PARP8: variants seen among roughly 807,000 people sequenced by gnomAD.
The protein encoded by PARP8 is protein mono-ADP-ribosyltransferase PARP8.
Under a neutral mutation model 124.1 loss-of-function variants are expected in PARP8, and 51 were observed. The observed-to-expected ratio is 0.41, with a 90% CI of 0.33 to 0.52. PARP8 has a LOEUF of 0.52. Ranked by LOEUF, PARP8 falls within the 20% of genes least tolerant of loss-of-function variation. The pLI is 0.21. For synonymous variants in PARP8, 391 were observed against 361.5 expected, an observed-to-expected ratio of 1.08 and a Z score of -0.93; for missense variants, 860 against 1,018.9, an observed-to-expected ratio of 0.84 and a Z score of 2.12.
chr5:50,741,477 C>G (rs1181406905), intron 2 of PARP8, among the ~76,000 whole-genome samples: 1 of 152,136 alleles, frequency 6.6e-6, no homozygotes, highest in African/African-American at 2.4e-5. Context: ...TAATCAATGT[C>G]AGACTTAGTT....
chr5:50,795,231 T>C lies in PARP8; in HGVS notation c.1242T>C (p.Asn414=). Residue 414 remains asparagine (N), a synonymous_variant, in exon 12 of 26, where the codon AAT becomes AAC. Transcript: ENST00000281631. ...HKLLSRSYSS[N]LRMEELYGLK... is the part of the protein sequence containing the mutation. Reference sequence around the variant, plus strand: ...TGTTAAGCAGGTCTTACTCTAGTAATCTCAGAATGGAAGAATTATATGGAC... The same window carrying C: ...TGTTAAGCAGGTCTTACTCTAGTAACCTCAGAATGGAAGAATTATATGGAC... The C allele has an allele frequency of 1.9e-6, 3 of 1,614,140 alleles. No homozygotes were observed. Among genetic ancestry groups the C allele is most frequent in the South Asian group, 1.1e-5 (1 of 91,080 alleles).
At position 50,666,967 on chromosome 5, in the gene PARP8, A is replaced by G; in HGVS notation, c.-129A>G. ...CTCACCCAGGATCACTTCCGAAACC[A>G]CTTCGCCTTCAGCCCCTGCCTCGGC... is the stretch of plus-strand genomic sequence containing the variant. On this transcript the variant is annotated 5_prime_UTR_variant, in exon 1 of 26. Coordinates refer to ENST00000281631, the MANE Select transcript of PARP8 (RefSeq NM_024615.4). The G allele has an allele frequency of 6.6e-7, 1 of 1,518,938 alleles. No homozygotes were observed. Among genetic ancestry groups the G allele is most frequent in the Non-Finnish European group, 8.8e-7 (1 of 1,139,616 alleles). The allele number at this position is 1,518,938 out of a possible 1,614,324, so 94.1% of individuals were successfully genotyped here.
intron 10 of PARP8, among the ~76,000 whole-genome samples, chr5:50,790,629 T>C (rs1306303030): frequency 1.1e-4 from 17 of 152,156 alleles, no homozygotes; most frequent in Non-Finnish European, 2.2e-4. Context: ...TAGGAATAAA[T>C]AGCTTTCTAC....
At chr5:50,685,023 A>T (rs1751700087) in intron 2 of PARP8, among the ~76,000 whole-genome samples, 3 of 151,964 alleles carry the variant, frequency 2.0e-5, no homozygotes, top group Admixed American at 1.3e-4. Flanking sequence ...TGTTTTTTTT[A>T]AAGAAATGCA....
At chr5:50,753,570 G>A (rs1471709251) in intron 3 of PARP8, among the ~76,000 whole-genome samples, 4 of 151,912 alleles carry the variant, frequency 2.6e-5, no homozygotes, top group African/African-American at 4.8e-5. Context: ...TTGGATTCAG[G>A]CAGATTCAAG....
chr5:50,795,490 A>T (rs1272997264), intron 12 of PARP8, 73 bp downstream of exon 12: 3 of 1,269,454 alleles, frequency 2.4e-6, no homozygotes, highest in Non-Finnish European at 3.2e-6. Context: ...TTCTTATAAG[A>T]TCTGGTGGAG....
intron 15 of PARP8, 144 bp from the exon 16 acceptor site, chr5:50,821,069 C>CTCAAG (rs1745711374): frequency 1.1e-6 from 1 of 882,748 alleles, no homozygotes; most frequent in Non-Finnish European, 1.7e-6. Flanking sequence ...CAAATGTGGT[C>CTCAAG]TCAAGTCTTG....
At chr5:50,688,908 A>C (rs1579961204) in intron 2 of PARP8, among the ~76,000 whole-genome samples, 1 of 152,292 alleles carries the variant, frequency 6.6e-6, no homozygotes, top group East Asian at 1.9e-4. Flanking sequence ...AGACAAGAAA[A>C]TGATGGTTTG....
intron 14 of PARP8, among the ~76,000 whole-genome samples, chr5:50,813,653 G>A (rs891188991): frequency 2.0e-5 from 3 of 152,208 alleles, no homozygotes; most frequent in Admixed American, 6.5e-5. Context: ...GTGAGAGAGG[G>A]CATCCCTGTC....
rs1202180285 is a variant in PARP8, at chr5:50,784,087, G to A, written c.671-4436G>A. ...AGTGTTTGCAATGTGTCTTTGGAAG[G>A]TATCAGCATTTATAGTAAAATGAAG... On this transcript the variant is annotated intron_variant, in intron 9 of 25. Coordinates refer to ENST00000281631, the MANE Select transcript of PARP8 (RefSeq NM_024615.4). Among the ~76,000 whole-genome samples, 5 of 152,128 alleles carry A rather than the reference G, an allele frequency of 3.3e-5. No individual in the cohort carries two copies. In the East Asian group the frequency reaches 5.8e-4, roughly 18 times the overall value.
In PARP8 at chr5:50,844,092, G is replaced by GT. The variant is rs1748431673; in HGVS notation, c.*2025dup. 1 of 151,774 alleles carries GT rather than the reference G, an allele frequency of 6.6e-6. No individual in the cohort carries two copies. Among genetic ancestry groups the GT allele is most frequent in the Non-Finnish European group, 1.5e-5 (1 of 67,842 alleles). The allele number at this position is 151,774 out of a possible 1,614,324, so 9.4% of individuals were successfully genotyped here. ...GGAGTCTGAACTGGAACGGTAACTC[G>GT]TAAGACTCAAGAAAGACCGTTTAAG... On this transcript the variant is annotated 3_prime_UTR_variant, in exon 26 of 26. Coordinates refer to ENST00000281631, the MANE Select transcript of PARP8 (RefSeq NM_024615.4).
At chr5:50,684,960 G>A (rs1162579689) in intron 2 of PARP8, among the ~76,000 whole-genome samples, 3 of 152,148 alleles carry the variant, frequency 2.0e-5, no homozygotes, top group Non-Finnish European at 2.9e-5. Flanking sequence ...TGCTTCAGCC[G>A]TCCCACTTAG....
chr5:50,758,932 A>G (rs138616711), intron 3 of PARP8, among the ~76,000 whole-genome samples: 3 of 152,352 alleles, frequency 2.0e-5, no homozygotes, highest in East Asian at 1.9e-4. Flanking sequence ...CTCAACTTGT[A>G]TAATGCATGT....
At chr5:50,796,630 G>A (rs1304927402) in intron 12 of PARP8, among the ~76,000 whole-genome samples, 1 of 152,190 alleles carries the variant, frequency 6.6e-6, no homozygotes, top group African/African-American at 2.4e-5. Flanking sequence ...GTATCTGATT[G>A]TAAAATAAGA....
At chr5:50,830,152 T>C (rs1196053050) in intron 22 of PARP8, among the ~76,000 whole-genome samples, 191 bp downstream of exon 22, 4 of 152,204 alleles carry the variant, frequency 2.6e-5, no homozygotes, top group Admixed American at 2.0e-4. Flanking sequence ...GTGTACAAGA[T>C]GGAATATATG....
intron 15 of PARP8, among the ~76,000 whole-genome samples, chr5:50,818,581 G>A (rs1471951997): frequency 6.6e-6 from 1 of 151,742 alleles, no homozygotes; most frequent in Admixed American, 6.6e-5. Flanking sequence ...GTCTCACTGT[G>A]TTGTCCGGGC....
At chr5:50,709,180 C>T (rs1754465528) in intron 2 of PARP8, among the ~76,000 whole-genome samples, 1 of 152,014 alleles carries the variant, frequency 6.6e-6, no homozygotes, top group Admixed American at 6.6e-5. Flanking sequence ...TGTAGTGATA[C>T]TCAGTTTCTT....
intron 2 of PARP8, among the ~76,000 whole-genome samples, chr5:50,743,348 A>C (rs925512039): frequency 6.6e-6 from 1 of 152,086 alleles, no homozygotes. Flanking sequence ...ATGTTTTTAG[A>C]GGGTGAAATG....
At chr5:50,830,076 T>C (rs1561442895) in intron 22 of PARP8, 115 bp downstream of exon 22, 3 of 1,215,202 alleles carry the variant, frequency 2.5e-6, no homozygotes, top group Non-Finnish European at 3.1e-6. Context: ...TTATTAAATT[T>C]GTTTGCTAAA....
Sources: gnomAD v4.1 joint callset for allele counts (sites outside exome capture counted in the v4.1 genomes callset) on GRCh38, gnomAD v4.1.1 for gene constraint, MANE v1.5 for transcripts, NCBI Gene and HGNC (gene_info 2026-07-23, HGNC 2026-07-21) for gene names.